The following GCNT1 variants were observed in gnomAD, a reference collection of about 807,000 sequenced individuals.
The protein encoded by GCNT1 is glucosaminyl (N-acetyl) transferase 1, also known as beta-1,3-galactosyl-O-glycosyl-glycoprotein beta-1,6-N-acetylglucosaminyltransferase.
GCNT1 carries 16 observed loss-of-function variants against 26.2 expected under a neutral mutation model. That is an observed-to-expected ratio of 0.61 (90% confidence interval 0.41 to 0.93). The LOEUF (loss-of-function observed/expected upper bound fraction) is 0.93. Ranked by LOEUF, GCNT1 falls within the 40% of genes least tolerant of loss-of-function variation. The probability of loss-of-function intolerance (pLI) is 0.00; values close to 1 mark genes in which losing one functional copy is unlikely to be tolerated. For missense variants in GCNT1, 477 were observed against 526.7 expected (o/e 0.91, Z 0.92); for synonymous variants, 183 against 190.8 (o/e 0.96, Z 0.34).
chr9:76,457,584 A>T (rs74304738), upstream of GCNT1, among the ~76,000 whole-genome samples: 380 of 152,358 alleles, frequency 2.5e-3, 12 homozygotes, highest in East Asian at 0.066. Flanking sequence ...AGCAATTAAC[A>T]TGTCAGTATT....
At chr9:76,429,726 T>C (rs943589548) in intron 1 of GCNT1, among the ~76,000 whole-genome samples, 2 of 149,836 alleles carry the variant, frequency 1.3e-5, no homozygotes, top group Non-Finnish European at 3.0e-5. Flanking sequence ...TTTTTTTTTT[T>C]TTTTTTTTGA....
intron 2 of GCNT1, among the ~76,000 whole-genome samples, chr9:76,492,454 T>A (rs1824769721): frequency 6.6e-6 from 1 of 151,798 alleles, no homozygotes; most frequent in Admixed American, 6.6e-5. Context: ...AGGACAGCTG[T>A]CCGGGACAGG....
At chr9:76,396,648 C>T in the GCNT1 span, among the ~76,000 whole-genome samples, 1 of 151,824 alleles carries the variant, frequency 6.6e-6, no homozygotes, top group African/African-American at 2.4e-5. Context: ...TGGAGACCAG[C>T]CTGGGCAACA....
intron 1 of GCNT1, among the ~76,000 whole-genome samples, chr9:76,442,813 T>C (rs1015914112): frequency 7.0e-6 from 1 of 143,184 alleles, no homozygotes. Flanking sequence ...TCATTTATTC[T>C]CTTATTTATT....
At chr9:76,456,920 A>G (rs1051128816), upstream of GCNT1, among the ~76,000 whole-genome samples, 1 of 152,210 alleles carries the variant, frequency 6.6e-6, no homozygotes, top group African/African-American at 2.4e-5. Context: ...GGCTGCAGTG[A>G]GCTGTGATTG....
chr9:76,429,864 G>A (rs188389035), intron 1 of GCNT1, among the ~76,000 whole-genome samples: 12 of 151,942 alleles, frequency 7.9e-5, no homozygotes, highest in African/African-American at 2.2e-4. Context: ...ACACGCACCC[G>A]CCACCACGCC....
At chr9:76,484,951 G>A (rs1458607838) in intron 2 of GCNT1, among the ~76,000 whole-genome samples, 2 of 151,916 alleles carry the variant, frequency 1.3e-5, no homozygotes, top group Non-Finnish European at 1.5e-5. Context: ...ACCACACCCA[G>A]CTAATTTTTG....
the GCNT1 span, among the ~76,000 whole-genome samples, chr9:76,404,879 G>A: frequency 2.8e-4 from 42 of 151,408 alleles, no homozygotes; most frequent in East Asian, 4.3e-3. Flanking sequence ...GAGCAGTGGC[G>A]TGACCTCAGC....
intron 2 of GCNT1, among the ~76,000 whole-genome samples, chr9:76,499,066 A>G (rs1295058255): frequency 6.9e-6 from 1 of 144,904 alleles, no homozygotes. Context: ...TTTTTAATTT[A>G]TCTGGGAGTA....
the GCNT1 span, among the ~76,000 whole-genome samples, chr9:76,409,132 T>C: frequency 6.6e-6 from 1 of 152,212 alleles, no homozygotes; most frequent in South Asian, 2.1e-4. Context: ...CTTTAATAAA[T>C]ATAGACTTAT....
chr9:76,452,703 C>A (rs74824686), intron 1 of GCNT1, among the ~76,000 whole-genome samples: 2 of 152,214 alleles, frequency 1.3e-5, no homozygotes, highest in African/African-American at 4.8e-5. Flanking sequence ...CCATTAGAAA[C>A]CGCCTCCAGG....
chr9:76,481,406 T>G (rs1824418878), intron 2 of GCNT1, among the ~76,000 whole-genome samples: 1 of 143,276 alleles, frequency 7.0e-6, no homozygotes, highest in Admixed American at 6.8e-5. Context: ...GAGATTTTTT[T>G]TGTGATTTTT....
upstream of GCNT1, among the ~76,000 whole-genome samples, chr9:76,438,186 T>C (rs1284706507): frequency 2.6e-5 from 4 of 152,252 alleles, no homozygotes; most frequent in Non-Finnish European, 4.4e-5. Flanking sequence ...ATCTTGCTTT[T>C]ATACATTTTA....
At chr9:76,463,499 G>T (rs978029920) in intron 2 of GCNT1, among the ~76,000 whole-genome samples, 1 of 152,188 alleles carries the variant, frequency 6.6e-6, no homozygotes, top group African/African-American at 2.4e-5. Flanking sequence ...TGTTTCCAAT[G>T]AGGAGTCTGC....
chr9:76,402,436 A>G, the GCNT1 span, among the ~76,000 whole-genome samples: 1 of 152,254 alleles, frequency 6.6e-6, no homozygotes, highest in Admixed American at 6.5e-5. Flanking sequence ...AACCTTTTGA[A>G]GCACACAAAT....
At chr9:76,449,008 C>T (rs1823621205) in intron 1 of GCNT1, among the ~76,000 whole-genome samples, 1 of 152,020 alleles carries the variant, frequency 6.6e-6, no homozygotes. Flanking sequence ...AAACATCTTT[C>T]TGAAACAATG....
chr9:76,470,540 G>A (rs1303646312), intron 2 of GCNT1, among the ~76,000 whole-genome samples: 1 of 150,930 alleles, frequency 6.6e-6, no homozygotes, highest in East Asian at 1.9e-4. Context: ...AGGAGTCGAG[G>A]CTGTGGTGAA....
intron 1 of GCNT1, among the ~76,000 whole-genome samples, chr9:76,448,424 C>T (rs771139672): frequency 6.6e-6 from 1 of 152,224 alleles, no homozygotes; most frequent in South Asian, 2.1e-4. Flanking sequence ...TGCACTCCAG[C>T]CTGGGTTGCA....
chr9:76,410,759 G>A, the GCNT1 span, among the ~76,000 whole-genome samples: 45,085 of 152,006 alleles, frequency 0.3, 6,888 homozygotes, highest in East Asian at 0.38. Flanking sequence ...CCCATTGATG[G>A]TGCTGTTGAG....
Sources: allele counts gnomAD v4.1 joint callset (sites outside exome capture counted in the v4.1 genomes callset), GRCh38; gene constraint gnomAD v4.1.1; transcripts MANE v1.5; gene names NCBI Gene and HGNC (gene_info 2026-07-23, HGNC 2026-07-21).